ADAMTSL1: variants seen among roughly 807,000 people sequenced by gnomAD.
The protein encoded by ADAMTSL1 is ADAMTS like 1.
Under a neutral mutation model 201.8 loss-of-function variants are expected in ADAMTSL1, and 126 were observed. That is an observed-to-expected ratio of 0.62 (90% CI 0.54 to 0.72). The LOEUF is 0.72. ADAMTSL1 is among the 30% of genes least tolerant of loss of function. The pLI is 0.00. For missense variants in ADAMTSL1, 2,679 were observed against 2,277.8 expected (o/e 1.18, Z -3.59); for synonymous variants, 1,121 against 903.4 (o/e 1.24, Z -4.32).
intron 2 of ADAMTSL1, among the ~76,000 whole-genome samples, chr9:18,516,835 C>G (rs1293628592): frequency 1.3e-5 from 2 of 152,174 alleles, no homozygotes; most frequent in African/African-American, 4.8e-5. Context: ...CAGTCAAGCC[C>G]ATTTTGCTGT....
chr9:18,576,310 A>G (rs1426337128), intron 4 of ADAMTSL1, among the ~76,000 whole-genome samples: 1 of 152,226 alleles, frequency 6.6e-6, no homozygotes, highest in Non-Finnish European at 1.5e-5. Context: ...GGAGAGCCAG[A>G]TAAGACCTAG....
chr9:18,832,838 G>GT (rs1296893521), intron 23 of ADAMTSL1, among the ~76,000 whole-genome samples: 2 of 152,230 alleles, frequency 1.3e-5, no homozygotes, highest in Non-Finnish European at 1.5e-5. Flanking sequence ...TCAGCTGGCT[G>GT]TAACAGCCTT....
intron 1 of ADAMTSL1, among the ~76,000 whole-genome samples, chr9:18,011,876 A>C (rs1429369619): frequency 6.6e-6 from 1 of 152,002 alleles, no homozygotes; most frequent in East Asian, 1.9e-4. Flanking sequence ...AGGGGAACCT[A>C]GAATTACAAG....
rs73645731 is a variant in ADAMTSL1, at chr9:18,151,695, A to G, written c.88-12167A>G. 2.6e-3 allele frequency among the ~76,000 whole-genome samples: 394 copies of G among 152,186 alleles called. 1 individual carries two copies. Among genetic ancestry groups the G allele is most frequent in the African/African-American group, 9.1e-3 (378 of 41,554 alleles). ...TTGGTATCTTTATAACATAGTAAGA[A>G]AGGTAAGATGAATTCCCAAATGGCC... On this transcript the variant is annotated intron_variant, in intron 1 of 29. Coordinates refer to the ADAMTSL1 transcript ENST00000680146.
chr9:18,068,168 A>G (rs1026083260), intron 1 of ADAMTSL1, among the ~76,000 whole-genome samples: 1 of 152,118 alleles, frequency 6.6e-6, no homozygotes, highest in Non-Finnish European at 1.5e-5. Flanking sequence ...CCACCCTTAG[A>G]AATGGACTGT....
At chr9:18,564,696 T>C (rs1009732375) in intron 3 of ADAMTSL1, among the ~76,000 whole-genome samples, 5 of 152,220 alleles carry the variant, frequency 3.3e-5, no homozygotes, top group Non-Finnish European at 5.9e-5. Flanking sequence ...GATTATGAAT[T>C]ACTCCTTCAG....
At position 18,174,961 on chromosome 9, in the gene ADAMTSL1, G is replaced by C. The variant is rs148225913; in HGVS notation, c.207+10980G>C. 2.0e-3 allele frequency among the ~76,000 whole-genome samples: 297 copies of C among 152,214 alleles called. 2 individuals carry two copies. Among genetic ancestry groups the C allele is most frequent in the African/African-American group, 6.7e-3 (280 of 41,558 alleles). On this transcript the variant is annotated intron_variant, in intron 2 of 29. Transcript: ENST00000680146. ...ACTTGATGTTGACAAGGAAGAAAAT[G>C]AATATTAAAAGAATTAAAGATCTAT...
chr9:18,123,531 T>C (rs1825596064), intron 1 of ADAMTSL1, among the ~76,000 whole-genome samples: 1 of 152,346 alleles, frequency 6.6e-6, no homozygotes, highest in South Asian at 2.1e-4. Context: ...ATATTGTCTT[T>C]ATTATTTATA....
intron 23 of ADAMTSL1, among the ~76,000 whole-genome samples, chr9:18,862,071 C>A (rs1221399110): frequency 6.6e-6 from 1 of 152,170 alleles, no homozygotes; most frequent in Non-Finnish European, 1.5e-5. Flanking sequence ...GCGGCTCCTT[C>A]CTGTGGCTTG....
At chr9:18,646,324 G>A (rs1373569032) in intron 7 of ADAMTSL1, among the ~76,000 whole-genome samples, 1 of 152,166 alleles carries the variant, frequency 6.6e-6, no homozygotes, top group Non-Finnish European at 1.5e-5. Context: ...ATACAATCAT[G>A]TCATCTTCAA....
At chr9:18,615,212 C>G (rs1469017465) in intron 4 of ADAMTSL1, among the ~76,000 whole-genome samples, 1 of 151,946 alleles carries the variant, frequency 6.6e-6, no homozygotes, top group East Asian at 1.9e-4. Flanking sequence ...AGTTGTAAAC[C>G]AAAAACAAAA....
At chr9:18,783,565 G>A (rs1821527687) in intron 19 of ADAMTSL1, among the ~76,000 whole-genome samples, 1 of 152,146 alleles carries the variant, frequency 6.6e-6, no homozygotes, top group African/African-American at 2.4e-5. Context: ...CCAGGGGTTG[G>A]CAAATTACAG....
At chr9:17,917,827 T>G (rs1053128643) in intron 1 of ADAMTSL1, among the ~76,000 whole-genome samples, 1 of 152,002 alleles carries the variant, frequency 6.6e-6, no homozygotes, top group Admixed American at 6.6e-5. Flanking sequence ...GAGAACTGTT[T>G]AATTACAAAC....
intron 2 of ADAMTSL1, among the ~76,000 whole-genome samples, chr9:18,364,872 C>T (rs1836699246): frequency 6.6e-6 from 1 of 151,974 alleles, no homozygotes; most frequent in South Asian, 2.1e-4. Flanking sequence ...TTTGAACAAC[C>T]AGACCTCACA....
intron 1 of ADAMTSL1, among the ~76,000 whole-genome samples, chr9:17,923,165 C>T (rs1211094108): frequency 1.3e-5 from 2 of 151,526 alleles, no homozygotes; most frequent in Non-Finnish European, 2.9e-5. Flanking sequence ...TAGTTTTTTC[C>T]AATTCTGTGA....
intron 2 of ADAMTSL1, among the ~76,000 whole-genome samples, chr9:18,240,766 T>C (rs2132447357): frequency 6.6e-6 from 1 of 152,350 alleles, no homozygotes; most frequent in Admixed American, 6.5e-5. Context: ...TAGTGCAGCC[T>C]CCTTCATCAG....
rs575719373 is a variant in ADAMTSL1, at chr9:18,457,434, G to T, written c.208-47395G>T. Among the ~76,000 whole-genome samples, 6 of 152,234 alleles carry T rather than the reference G, an allele frequency of 3.9e-5. No homozygotes were observed. In the South Asian group the frequency reaches 1.2e-3, roughly 32 times the overall value. On this transcript the variant is annotated intron_variant, in intron 2 of 29. Coordinates refer to the ADAMTSL1 transcript ENST00000680146. ...GCAGCCTCAAGCTCCTAGGCTCCAG[G>T]GATCCTCCCACCTCAGCCTTCTGAG...
At chr9:18,526,471 T>C (rs1819058861) in intron 2 of ADAMTSL1, among the ~76,000 whole-genome samples, 2 of 152,316 alleles carry the variant, frequency 1.3e-5, no homozygotes, top group Admixed American at 1.3e-4. Context: ...GTGAATTTGA[T>C]CCTGTCATTA....
At chr9:18,193,428 A>G (rs751311667) in intron 2 of ADAMTSL1, among the ~76,000 whole-genome samples, 1 of 152,074 alleles carries the variant, frequency 6.6e-6, no homozygotes, top group Non-Finnish European at 1.5e-5. Flanking sequence ...TGCCTCTGCT[A>G]GCAATGGAGC....
Sources: gnomAD v4.1 joint callset for allele counts (sites outside exome capture counted in the v4.1 genomes callset) on GRCh38, gnomAD v4.1.1 for gene constraint, MANE v1.5 for transcripts, NCBI Gene and HGNC (gene_info 2026-07-23, HGNC 2026-07-21) for gene names.